Variants in PRIMA1 observed in about 807,000 individuals in gnomAD.
PRIMA1 encodes the protein proline-rich membrane anchor 1.
A neutral mutation model predicts 17.5 loss-of-function variants in PRIMA1; 7 were observed. That is an observed-to-expected ratio of 0.40 (90% CI 0.23 to 0.75). The LOEUF (loss-of-function observed/expected upper bound fraction) is 0.75, where lower values mean the gene tolerates loss of function less well. Ranked by LOEUF, PRIMA1 falls within the 30% of genes least tolerant of loss-of-function variation. The probability of loss-of-function intolerance (pLI) is 0.37; values close to 1 mark genes in which losing one functional copy is unlikely to be tolerated. For missense variants in PRIMA1, 200 were observed against 201.8 expected (o/e 0.99, Z 0.05); for synonymous variants, 97 against 77.9 (o/e 1.25, Z -1.29).
intron 2 of PRIMA1, among the ~76,000 whole-genome samples, chr14:93,780,073 C>T (rs1165153177): frequency 6.6e-6 from 1 of 152,266 alleles, no homozygotes; most frequent in Non-Finnish European, 1.5e-5. Flanking sequence ...CCCATGCTCT[C>T]TCCCCATCTC....
intron 4 of PRIMA1, among the ~76,000 whole-genome samples, chr14:93,732,132 G>T (rs894242522): frequency 6.6e-6 from 1 of 152,206 alleles, no homozygotes; most frequent in African/African-American, 2.4e-5. Flanking sequence ...ATGGCAATTG[G>T]GAACAGACCC....
At chr14:93,738,678 T>A (rs2076166306) in intron 3 of PRIMA1, among the ~76,000 whole-genome samples, 2 of 152,200 alleles carry the variant, frequency 1.3e-5, no homozygotes, top group Non-Finnish European at 2.9e-5. Context: ...CAAAGTGTAA[T>A]CTACATCTAG....
At chr14:93,783,931 G>T (rs141212846) in intron 2 of PRIMA1, among the ~76,000 whole-genome samples, 1 of 149,078 alleles carries the variant, frequency 6.7e-6, no homozygotes, top group East Asian at 1.9e-4. Context: ...TCCTACCACC[G>T]TCCTACTCCT....
intron 3 of PRIMA1, among the ~76,000 whole-genome samples, chr14:93,762,850 AG>A (rs1884774000): frequency 6.6e-6 from 1 of 152,070 alleles, no homozygotes; most frequent in Non-Finnish European, 1.5e-5. Flanking sequence ...ACTTCACTCC[AG>A]GCACATAGGC....
rs11624969 is a variant in PRIMA1, at chr14:93,718,877, G to A, written c.*2567C>T. 4,701 of 152,410 alleles carry A rather than the reference G, an allele frequency of 0.031. 100 individuals carry two copies. Among genetic ancestry groups the A allele is most frequent in the South Asian group, 0.069 (333 of 4,810 alleles). The allele number at this position is 152,410 out of a possible 1,614,324, so 9.4% of individuals were successfully genotyped here. ...AGTGCATTTCATTCTTGACCTCAGG[G>A]CTCGGACTAGCCTGAGGATCGGTGT... On this transcript the variant is annotated 3_prime_UTR_variant, in exon 5 of 5. Transcript: ENST00000393140.
intron 4 of PRIMA1, among the ~76,000 whole-genome samples, chr14:93,735,912 C>G (rs527274453): frequency 6.6e-6 from 1 of 152,292 alleles, no homozygotes; most frequent in Admixed American, 6.5e-5. Flanking sequence ...TGGTCTCAAA[C>G]TCCTGACCTC....
chr14:93,753,389 G>A (rs1343418495), intron 3 of PRIMA1, among the ~76,000 whole-genome samples: 1 of 152,192 alleles, frequency 6.6e-6, no homozygotes, highest in Non-Finnish European at 1.5e-5. Context: ...GCCACCCACG[G>A]TCCAGTTCAT....
At position 93,776,147 on chromosome 14, in the gene PRIMA1, C is replaced by T. The variant is rs969796347; in HGVS notation, c.229+3029G>A. ...CAACCCAGGAGAAATCAGGAGAGAG[C>T]GACAGAGCCAGAGACAGAAATCCAA... On this transcript the variant is annotated intron_variant, in intron 3 of 4. Coordinates refer to ENST00000393140, the MANE Select transcript of PRIMA1 (RefSeq NM_178013.4). Among the ~76,000 whole-genome samples, 37 of 152,288 alleles carry T rather than the reference C, an allele frequency of 2.4e-4. 1 individual carries two copies. The highest frequency in any genetic ancestry group is 2.9e-4 in the Non-Finnish European group (20 of 68,030).
intron 4 of PRIMA1, among the ~76,000 whole-genome samples, chr14:93,723,665 G>C (rs1343500497): frequency 6.6e-6 from 1 of 152,112 alleles, no homozygotes; most frequent in African/African-American, 2.4e-5. Flanking sequence ...CTCCCACAGT[G>C]CATCATGCTT....
At chr14:93,724,629 G>C (rs1008024745) in intron 4 of PRIMA1, among the ~76,000 whole-genome samples, 3 of 152,196 alleles carry the variant, frequency 2.0e-5, no homozygotes, top group African/African-American at 7.2e-5. Context: ...GTGCTCCCCA[G>C]TGAGGCCGCT....
At chr14:93,744,822 C>A (rs1202187458) in intron 3 of PRIMA1, among the ~76,000 whole-genome samples, 1 of 152,210 alleles carries the variant, frequency 6.6e-6, no homozygotes, top group Non-Finnish European at 1.5e-5. Context: ...GTGAGAGGCA[C>A]CCGTGCCTGG....
At position 93,761,872 on chromosome 14, in the gene PRIMA1, TG is replaced by T. The variant is rs544262945; in HGVS notation, c.229+17303del. Among the ~76,000 whole-genome samples the T allele has an allele frequency of 2.4e-3, 372 of 152,364 alleles. 7 individuals carry two copies. The highest frequency in any genetic ancestry group is 0.021 in the Admixed American group (326 of 15,300). ...TTAACTATGAAAATTAGAAGAGTTTTGGGCTGTGCACTTTTTTAGCAAAAAC... is the reference window on the plus strand; with the variant it reads ...TTAACTATGAAAATTAGAAGAGTTTTGGCTGTGCACTTTTTTAGCAAAAAC... On this transcript the variant is annotated intron_variant, in intron 3 of 4. Coordinates refer to ENST00000393140, the MANE Select transcript of PRIMA1 (RefSeq NM_178013.4).
intron 4 of PRIMA1, among the ~76,000 whole-genome samples, chr14:93,735,488 C>T (rs931216374): frequency 2.0e-5 from 3 of 152,146 alleles, no homozygotes; most frequent in Non-Finnish European, 2.9e-5. Flanking sequence ...GATCAGAATG[C>T]ACCGTGACTC....
At chr14:93,765,975 A>G (rs1431421803) in intron 3 of PRIMA1, among the ~76,000 whole-genome samples, 1 of 152,218 alleles carries the variant, frequency 6.6e-6, no homozygotes, top group Non-Finnish European at 1.5e-5. Flanking sequence ...GTAGTGACCT[A>G]AAACTGAACC....
At chr14:93,752,026 G>A (rs897606603) in intron 3 of PRIMA1, among the ~76,000 whole-genome samples, 30 of 152,074 alleles carry the variant, frequency 2.0e-4, no homozygotes, top group Admixed American at 1.6e-3. Context: ...TTCCACCATC[G>A]CAGAAAGTGT....
chr14:93,779,957 C>T (rs1398630097), intron 2 of PRIMA1, among the ~76,000 whole-genome samples: 2 of 152,212 alleles, frequency 1.3e-5, no homozygotes. Flanking sequence ...CAAACCACCT[C>T]CATCCCCCCA....
At chr14:93,755,720 G>A (rs2076286613) in intron 3 of PRIMA1, among the ~76,000 whole-genome samples, 1 of 152,152 alleles carries the variant, frequency 6.6e-6, no homozygotes, top group Admixed American at 6.5e-5. Context: ...CAGTACTTCT[G>A]GTAGCTGGAG....
At chr14:93,787,010 C>T (rs564860434) in intron 2 of PRIMA1, among the ~76,000 whole-genome samples, 5 of 144,536 alleles carry the variant, frequency 3.5e-5, no homozygotes, top group East Asian at 2.0e-4. Flanking sequence ...GTACCAGTGA[C>T]GATGCGCATT....
At chr14:93,781,806 C>A (rs1162410302) in intron 2 of PRIMA1, among the ~76,000 whole-genome samples, 1 of 148,164 alleles carries the variant, frequency 6.7e-6, no homozygotes, top group Non-Finnish European at 1.5e-5. Context: ...GAAACCCTGT[C>A]TCTACAAAAA....
Sources: allele counts gnomAD v4.1 joint callset (sites outside exome capture counted in the v4.1 genomes callset), GRCh38; gene constraint gnomAD v4.1.1; transcripts MANE v1.5; gene names NCBI Gene and HGNC (gene_info 2026-07-23, HGNC 2026-07-21).